RASGRF2: variants seen among roughly 807,000 people sequenced by gnomAD.
RASGRF2 encodes Ras protein specific guanine nucleotide releasing factor 2.
A neutral mutation model predicts 151.0 loss-of-function variants in RASGRF2; 76 were observed. That is an observed-to-expected ratio of 0.50 (90% CI 0.42 to 0.61). RASGRF2 has a LOEUF of 0.61. Ranked by LOEUF, RASGRF2 falls within the 20% of genes least tolerant of loss-of-function variation. RASGRF2 has a pLI of 0.00. For missense variants in RASGRF2, 1,148 were observed against 1,564.6 expected (o/e 0.73, Z 4.49); for synonymous variants, 504 against 566.5 (o/e 0.89, Z 1.57).
In RASGRF2 at chr5:81,110,817, AAG is replaced by A. The variant is rs1752972955; in HGVS notation, c.1838+1740_1838+1741del. Among the ~76,000 whole-genome samples, 6 of 152,322 alleles carry A rather than the reference AAG, an allele frequency of 3.9e-5. 2 individuals are homozygous for A. Among genetic ancestry groups the A allele is most frequent in the African/African-American group, 1.4e-4 (6 of 41,574 alleles). Reference sequence around the variant, plus strand: ...GAGCAAATTAAGAACCAGAAAAATAAAGTTGGTTGAGGGACACATAGTGAGTG... The same window carrying A: ...GAGCAAATTAAGAACCAGAAAAATAATTGGTTGAGGGACACATAGTGAGTG... On this transcript the variant is annotated intron_variant, in intron 13 of 26. Coordinates refer to ENST00000265080, the MANE Select transcript of RASGRF2 (RefSeq NM_006909.3).
At chr5:81,079,514 G>A (rs545608073) in intron 5 of RASGRF2, among the ~76,000 whole-genome samples, 5 of 105,524 alleles carry the variant, frequency 4.7e-5, no homozygotes, top group East Asian at 2.9e-4. Flanking sequence ...TGAGGAGAAA[G>A]CAATGATGTT....
At chr5:81,195,629 AG>A (rs1755248375) in intron 18 of RASGRF2, among the ~76,000 whole-genome samples, 1 of 151,408 alleles carries the variant, frequency 6.6e-6, no homozygotes, top group Non-Finnish European at 1.5e-5. Context: ...GCTACTCAAA[AG>A]GTGGACCCCG....
rs1752272990 is a variant in RASGRF2 at position 81,087,508 on chromosome 5, T to A, written c.1390+555T>A. 6.6e-6 allele frequency: 4 copies of A among 602,610 alleles called. No homozygotes were observed. In the East Asian group the frequency reaches 1.1e-4, roughly 17 times the overall value. The allele number at this position is 602,610 out of a possible 1,614,324, so 37.3% of individuals were successfully genotyped here. A position where few individuals can be genotyped will look rare whatever the true frequency, so the allele number is the denominator to read the frequency against. ...CCACGCTTTGGTAATGCAGAAGCTG[T>A]CGTGTTTGCGAAGTGTGCTTTGGGG... On this transcript the variant is annotated intron_variant, in intron 9 of 26. Coordinates refer to ENST00000265080, the MANE Select transcript of RASGRF2 (RefSeq NM_006909.3).
At chr5:81,193,666 C>T (rs540389495) in intron 18 of RASGRF2, among the ~76,000 whole-genome samples, 1 of 152,186 alleles carries the variant, frequency 6.6e-6, no homozygotes, top group African/African-American at 2.4e-5. Context: ...CAGGCGCCCA[C>T]CACCATGCCC....
chr5:80,968,519 G>A (rs1054284929), intron 1 of RASGRF2, among the ~76,000 whole-genome samples: 9 of 152,068 alleles, frequency 5.9e-5, no homozygotes, highest in Non-Finnish European at 1.3e-4. Context: ...TTCATAATGA[G>A]TTTCTGTTAA....
chr5:80,981,848 C>T (rs1259244783), intron 1 of RASGRF2, among the ~76,000 whole-genome samples: 3 of 152,182 alleles, frequency 2.0e-5, no homozygotes, highest in African/African-American at 7.2e-5. Context: ...GGAGGTGTCC[C>T]AGACATTTCC....
intron 18 of RASGRF2, among the ~76,000 whole-genome samples, chr5:81,194,944 T>C (rs1431147392): frequency 6.6e-6 from 1 of 152,226 alleles, no homozygotes; most frequent in Non-Finnish European, 1.5e-5. Context: ...ACGTCTTGCA[T>C]TTTCTGAGTG....
chr5:81,022,250 T>C (rs575103755), intron 1 of RASGRF2, among the ~76,000 whole-genome samples: 3 of 152,274 alleles, frequency 2.0e-5, no homozygotes, highest in South Asian at 4.1e-4. Flanking sequence ...TCTCTCTTGC[T>C]GGGGCTTCAT....
At chr5:81,060,694 C>A (rs974243571) in intron 2 of RASGRF2, among the ~76,000 whole-genome samples, 1 of 152,000 alleles carries the variant, frequency 6.6e-6, no homozygotes, top group African/African-American at 2.4e-5. Flanking sequence ...TCGCAGGAAC[C>A]CAGGAAGAAG....
At chr5:81,182,729 C>T (rs1370121052) in intron 18 of RASGRF2, among the ~76,000 whole-genome samples, 2 of 152,190 alleles carry the variant, frequency 1.3e-5, no homozygotes, top group African/African-American at 4.8e-5. Context: ...GTGGGCCTAG[C>T]CTGGGCCATT....
At chr5:80,962,282 T>C (rs183649133) in intron 1 of RASGRF2, among the ~76,000 whole-genome samples, 1 of 152,344 alleles carries the variant, frequency 6.6e-6, no homozygotes. Context: ...TCAGAGTCAT[T>C]TGAAAAACTG....
intron 2 of RASGRF2, among the ~76,000 whole-genome samples, chr5:81,064,258 A>G (rs1375137423): frequency 2.6e-5 from 4 of 152,202 alleles, no homozygotes; most frequent in East Asian, 3.9e-4. Flanking sequence ...GGCCTCCTAC[A>G]GTGTCTACTT....
At chr5:81,197,786 T>C (rs1180912669) in intron 18 of RASGRF2, among the ~76,000 whole-genome samples, 1 of 152,210 alleles carries the variant, frequency 6.6e-6, no homozygotes, top group Non-Finnish European at 1.5e-5. Context: ...TAAACACTCA[T>C]GTCTGTACAT....
chr5:81,035,757 T>A (rs1449950429), intron 1 of RASGRF2, among the ~76,000 whole-genome samples: 1 of 152,080 alleles, frequency 6.6e-6, no homozygotes. Flanking sequence ...AATACGAATG[T>A]AAAGGTGTTG....
intron 17 of RASGRF2, among the ~76,000 whole-genome samples, chr5:81,169,249 T>G (rs1754586595): frequency 6.6e-6 from 1 of 152,124 alleles, no homozygotes; most frequent in South Asian, 2.1e-4. Flanking sequence ...GTGGAGCCAT[T>G]CCTGATTCCT....
intron 2 of RASGRF2, among the ~76,000 whole-genome samples, chr5:81,063,546 C>G (rs567367837): frequency 6.6e-6 from 1 of 152,122 alleles, no homozygotes; most frequent in Non-Finnish European, 1.5e-5. Flanking sequence ...GCTCTCATTT[C>G]TTTATTATTA....
chr5:81,082,423 A>G (rs1165017947), intron 7 of RASGRF2, among the ~76,000 whole-genome samples: 2 of 152,204 alleles, frequency 1.3e-5, no homozygotes, highest in African/African-American at 2.4e-5. Flanking sequence ...GGGAATTTTT[A>G]TAATGTCTTG....
chr5:80,969,829 T>C (rs866225500), intron 1 of RASGRF2, among the ~76,000 whole-genome samples: 13 of 138,584 alleles, frequency 9.4e-5, no homozygotes, highest in Non-Finnish European at 1.5e-4. Flanking sequence ...TTTTTTTTTT[T>C]TTTTTTTTTT....
intron 26 of RASGRF2, 32 bp downstream of exon 26, chr5:81,219,810 A>C: frequency 6.6e-7 from 1 of 1,510,440 alleles, no homozygotes; most frequent in East Asian, 2.3e-5. Flanking sequence ...GAAATTAATA[A>C]AGAAAAAAGG....
Sources: gnomAD v4.1 joint callset for allele counts (sites outside exome capture counted in the v4.1 genomes callset) on GRCh38, gnomAD v4.1.1 for gene constraint, MANE v1.5 for transcripts, NCBI Gene and HGNC (gene_info 2026-07-23, HGNC 2026-07-21) for gene names.